Variants in PDE7A observed in about 807,000 individuals in gnomAD.
The protein encoded by PDE7A is phosphodiesterase 7A.
Under a neutral mutation model 64.3 loss-of-function variants are expected in PDE7A, and 39 were observed. That is an observed-to-expected ratio of 0.61 (90% CI 0.47 to 0.79). The LOEUF (loss-of-function observed/expected upper bound fraction) is 0.79, where lower values mean the gene tolerates loss of function less well. PDE7A is among the 30% of genes least tolerant of loss of function. PDE7A has a pLI of 0.00. For synonymous variants in PDE7A, 203 were observed against 206.8 expected, an observed-to-expected ratio of 0.98 and a Z score of 0.16; for missense variants, 470 against 582.8, an observed-to-expected ratio of 0.81 and a Z score of 1.99.
At chr8:65,788,933 A>C in intron 1 of PDE7A, 1 of 1,613,014 alleles carries the variant, frequency 6.2e-7, no homozygotes, top group Non-Finnish European at 8.5e-7. Flanking sequence ...AGATCAATGT[A>C]ATTCCCATTG....
At chr8:65,736,230 G>A (rs1807122670) in intron 6 of PDE7A, among the ~76,000 whole-genome samples, 2 of 152,128 alleles carry the variant, frequency 1.3e-5, no homozygotes, top group African/African-American at 4.8e-5. Context: ...ATACCAACAT[G>A]GCTGATCTGA....
chr8:65,773,679 CCTTCT>C (rs533133793), intron 3 of PDE7A, among the ~76,000 whole-genome samples: 56 of 152,214 alleles, frequency 3.7e-4, no homozygotes, highest in Non-Finnish European at 6.0e-4. Flanking sequence ...GTTTGGTCTT[CCTTCT>C]CTTGTCTTTT....
chr8:65,748,701 T>C (rs1194830811), intron 3 of PDE7A, among the ~76,000 whole-genome samples: 1 of 152,226 alleles, frequency 6.6e-6, no homozygotes, highest in Non-Finnish European at 1.5e-5. Flanking sequence ...ACATATTCTC[T>C]CTTGCATATC....
Position 65,796,946 on chromosome 8 carries a change from C to T in PDE7A, c.139-14103G>A, listed in dbSNP as rs62507648. Among the ~76,000 whole-genome samples, 892 of 152,028 alleles carry T rather than the reference C, an allele frequency of 5.9e-3. 9 individuals carry two copies. The highest frequency in any genetic ancestry group is 0.02 in the African/African-American group (843 of 41,482). Reference sequence around the variant, plus strand: ...CATGTAGAAAATCCTAAAGACCCTACAAAAGAGCTACTGGAACTAATAAAA... The same window carrying T: ...CATGTAGAAAATCCTAAAGACCCTATAAAAGAGCTACTGGAACTAATAAAA... On this transcript the variant is annotated intron_variant, in intron 1 of 12. Coordinates refer to ENST00000401827, the MANE Select transcript of PDE7A (RefSeq NM_001242318.3).
rs533677302 is a variant in PDE7A at position 65,715,194 on chromosome 8, C to G, written c.*4096G>C. Among the ~76,000 whole-genome samples the G allele has an allele frequency of 9.7e-4, 148 of 152,042 alleles. No homozygotes were observed. Among genetic ancestry groups the G allele is most frequent in the Admixed American group, 3.5e-3 (54 of 15,260 alleles). ...TAATCTTTTAAATATTTAACTGTTT[C>G]CTAAAATTTTTTAGAAAAAAATATT... On this transcript the variant is annotated 3_prime_UTR_variant, in exon 13 of 13. Coordinates refer to ENST00000401827, the MANE Select transcript of PDE7A (RefSeq NM_001242318.3).
intron 1 of PDE7A, among the ~76,000 whole-genome samples, chr8:65,827,825 T>C (rs1329204194): frequency 6.6e-6 from 1 of 152,180 alleles, no homozygotes; most frequent in East Asian, 1.9e-4. Flanking sequence ...GTAAATATGA[T>C]GTTCACACAA....
intron 1 of PDE7A, among the ~76,000 whole-genome samples, chr8:65,841,149 G>A (rs1330347709): frequency 6.6e-6 from 1 of 152,194 alleles, no homozygotes; most frequent in Non-Finnish European, 1.5e-5. Flanking sequence ...CTGATGAGAG[G>A]ATCCCGGAAC....
chr8:65,774,287 A>C (rs1295898352), intron 3 of PDE7A, among the ~76,000 whole-genome samples: 2 of 150,954 alleles, frequency 1.3e-5, no homozygotes, highest in African/African-American at 4.9e-5. Flanking sequence ...TATTTTTAAA[A>C]GATTTTTTGT....
chr8:65,832,267 T>C (rs1252581922), intron 1 of PDE7A, among the ~76,000 whole-genome samples: 2 of 152,094 alleles, frequency 1.3e-5, no homozygotes, highest in African/African-American at 4.8e-5. Flanking sequence ...ATTTAAGTGC[T>C]AACATAATAC....
At chr8:65,775,456 A>AT (rs1223533263) in intron 3 of PDE7A, among the ~76,000 whole-genome samples, 5 of 152,288 alleles carry the variant, frequency 3.3e-5, no homozygotes, top group East Asian at 3.9e-4. Flanking sequence ...AATTTCATAG[A>AT]TTTTCCCATC....
intron 7 of PDE7A, among the ~76,000 whole-genome samples, chr8:65,729,515 G>A (rs1042124835): frequency 2.0e-5 from 3 of 151,932 alleles, no homozygotes; most frequent in Admixed American, 6.6e-5. Flanking sequence ...GACATAAAAT[G>A]TCCTGAATCA....
chr8:65,792,369 T>C (rs1007107886), intron 1 of PDE7A, among the ~76,000 whole-genome samples: 11 of 152,220 alleles, frequency 7.2e-5, no homozygotes, highest in Non-Finnish European at 1.3e-4. Flanking sequence ...GTGTGATCAA[T>C]AGGAAAAAAA....
chr8:65,747,676 A>T lies in PDE7A; in HGVS notation c.411T>A (p.Asp137Glu), dbSNP rs1018275865. 25 of 1,609,670 alleles carry T rather than the reference A, an allele frequency of 1.6e-5. No individual in the cohort carries two copies. The highest frequency in any genetic ancestry group is 3.4e-5 in the Admixed American group (2 of 59,628). ...TAVSNSLNIL[D>E]DDYNGQAKCM... ...CCTTGGCTTGTCCATTATAATCATC[A>T]TCTAAAATGTTTAGGGAATTTGAAA... Residue 137 changes from aspartate (D) to glutamate (E), a missense_variant, in exon 4 of 13, where the codon GAT (aspartate) becomes GAA (glutamate). Asp to Glu is a conservative substitution (Grantham distance 45). Coordinates refer to ENST00000401827, the MANE Select transcript of PDE7A (RefSeq NM_001242318.3).
intron 1 of PDE7A, among the ~76,000 whole-genome samples, chr8:65,820,640 A>AG (rs1810519951): frequency 6.6e-6 from 1 of 152,124 alleles, no homozygotes; most frequent in South Asian, 2.1e-4. Context: ...CCCAGGCTGG[A>AG]GTGCAGTGGC....
At chr8:65,834,612 G>A (rs1810910643) in intron 1 of PDE7A, among the ~76,000 whole-genome samples, 1 of 152,156 alleles carries the variant, frequency 6.6e-6, no homozygotes, top group Admixed American at 6.5e-5. Context: ...GATAAGTAAA[G>A]CAGACTTTGC....
intron 3 of PDE7A, among the ~76,000 whole-genome samples, chr8:65,777,867 T>C (rs1189422805): frequency 1.3e-5 from 2 of 152,196 alleles, no homozygotes; most frequent in African/African-American, 4.8e-5. Context: ...TCTGGTACAC[T>C]TAGGTGTGAT....
In PDE7A at chr8:65,786,466, T is replaced by G. The variant is rs1809561586; in HGVS notation, c.139-3623A>C. Reference sequence around the variant, plus strand: ...AGTAGGAAGGTAGAATAATCTACAGTAACTCATTTTGGAAAAAACACTATA... The same window carrying G: ...AGTAGGAAGGTAGAATAATCTACAGGAACTCATTTTGGAAAAAACACTATA... On this transcript the variant is annotated intron_variant, in intron 1 of 12. Coordinates refer to ENST00000401827, the MANE Select transcript of PDE7A (RefSeq NM_001242318.3). Among the ~76,000 whole-genome samples, 3 of 152,196 alleles carry G rather than the reference T, an allele frequency of 2.0e-5. 1 individual carries two copies. Among genetic ancestry groups the G allele is most frequent in the African/African-American group, 7.2e-5 (3 of 41,462 alleles).
chr8:65,726,128 AT>A (rs1245037936), intron 9 of PDE7A, among the ~76,000 whole-genome samples: 8 of 152,188 alleles, frequency 5.3e-5, no homozygotes, highest in African/African-American at 1.9e-4. Context: ...ACATATTTTT[AT>A]ACCTCACCAC....
At chr8:65,836,977 C>T (rs576036453) in intron 1 of PDE7A, among the ~76,000 whole-genome samples, 1 of 152,318 alleles carries the variant, frequency 6.6e-6, no homozygotes, top group Admixed American at 6.5e-5. Context: ...CCTAAGAAAG[C>T]CTCAACGATT....
Sources: gnomAD v4.1 joint callset for allele counts (sites outside exome capture counted in the v4.1 genomes callset) on GRCh38, gnomAD v4.1.1 for gene constraint, MANE v1.5 for transcripts, NCBI Gene and HGNC (gene_info 2026-07-23, HGNC 2026-07-21) for gene names.